Variants in IGF2BP2 observed in about 807,000 individuals in gnomAD.
IGF2BP2 encodes the protein insulin like growth factor 2 mRNA binding protein 2.
IGF2BP2 carries 17 observed loss-of-function variants against 75.8 expected under a neutral mutation model. That is an observed-to-expected ratio of 0.22 (90% CI 0.15 to 0.34). The LOEUF (loss-of-function observed/expected upper bound fraction) is 0.34. Ranked by LOEUF, IGF2BP2 falls within the 10% of genes least tolerant of loss-of-function variation. The pLI is 1.00. For synonymous variants in IGF2BP2, 288 were observed against 295.6 expected (o/e 0.97, Z 0.26); for missense variants, 516 against 772.4 (o/e 0.67, Z 3.93).
At chr3:185,782,790 G>A (rs553245111) in intron 2 of IGF2BP2, among the ~76,000 whole-genome samples, 4 of 152,232 alleles carry the variant, frequency 2.6e-5, no homozygotes, top group African/African-American at 7.2e-5. Flanking sequence ...GAGAAGAGCC[G>A]GCATGAAGTT....
intron 10 of IGF2BP2, among the ~76,000 whole-genome samples, chr3:185,665,248 A>G (rs866382772): frequency 5.0e-4 from 60 of 120,508 alleles, no homozygotes; most frequent in South Asian, 6.1e-4. Flanking sequence ...GAAGGAGAAG[A>G]AGGAGAAGGA....
intron 2 of IGF2BP2, among the ~76,000 whole-genome samples, chr3:185,709,112 C>T (rs558956352): frequency 2.6e-5 from 4 of 152,224 alleles, no homozygotes; most frequent in African/African-American, 9.6e-5. Context: ...AGATAAATAA[C>T]ATGTACAAAC....
intron 2 of IGF2BP2, among the ~76,000 whole-genome samples, chr3:185,760,259 G>A (rs1262290635): frequency 6.6e-6 from 1 of 152,046 alleles, no homozygotes; most frequent in Non-Finnish European, 1.5e-5. Flanking sequence ...CAGTGCCTCG[G>A]TTATGACACG....
At chr3:185,709,195 T>A (rs761514215) in intron 2 of IGF2BP2, among the ~76,000 whole-genome samples, 1 of 152,212 alleles carries the variant, frequency 6.6e-6, no homozygotes, top group Non-Finnish European at 1.5e-5. Flanking sequence ...TACAAAACCA[T>A]CTTTGTAAAG....
At chr3:185,663,956 G>T (rs1001572924) in intron 10 of IGF2BP2, among the ~76,000 whole-genome samples, 1 of 152,174 alleles carries the variant, frequency 6.6e-6, no homozygotes, top group African/African-American at 2.4e-5. Context: ...GTTTTAGTGT[G>T]ATGATAGAGT....
At chr3:185,793,599 C>A (rs1219801554) in intron 2 of IGF2BP2, among the ~76,000 whole-genome samples, 4 of 152,110 alleles carry the variant, frequency 2.6e-5, no homozygotes, top group Non-Finnish European at 4.4e-5. Context: ...CAAAAAGAAA[C>A]AACTTTGATA....
At chr3:185,787,169 G>A (rs931827513) in intron 2 of IGF2BP2, among the ~76,000 whole-genome samples, 1 of 152,178 alleles carries the variant, frequency 6.6e-6, no homozygotes, top group Non-Finnish European at 1.5e-5. Context: ...TGGGTATAGA[G>A]TTTCTGTTTT....
chr3:185,679,432 C>T (rs983977445), intron 7 of IGF2BP2, among the ~76,000 whole-genome samples: 3 of 151,720 alleles, frequency 2.0e-5, no homozygotes, highest in Non-Finnish European at 4.4e-5. Context: ...TGTTTTTATA[C>T]CCATTAACAT....
At chr3:185,730,709 G>A (rs1480280893) in intron 2 of IGF2BP2, among the ~76,000 whole-genome samples, 2 of 152,068 alleles carry the variant, frequency 1.3e-5, no homozygotes, top group Non-Finnish European at 2.9e-5. Flanking sequence ...ACCAGCCCAG[G>A]TGTCTTTTTT....
intron 2 of IGF2BP2, among the ~76,000 whole-genome samples, chr3:185,772,473 A>G (rs1460128408): frequency 1.3e-5 from 2 of 152,062 alleles, no homozygotes; most frequent in Admixed American, 6.5e-5. Context: ...CAAGTTAGCA[A>G]TTCAGTACTA....
intron 2 of IGF2BP2, among the ~76,000 whole-genome samples, chr3:185,796,333 A>T (rs1415630412): frequency 1.3e-5 from 2 of 151,824 alleles, no homozygotes; most frequent in Non-Finnish European, 2.9e-5. Context: ...GAGGACGAGG[A>T]GGGCGGATCA....
chr3:185,713,186 CT>C (rs1279328921), intron 2 of IGF2BP2: 1 of 344,838 alleles, frequency 2.9e-6, no homozygotes, highest in East Asian at 7.4e-5. Flanking sequence ...AACTGTACCA[CT>C]GTCATAAACC....
chr3:185,749,942 T>C (rs1176520710), intron 2 of IGF2BP2, among the ~76,000 whole-genome samples: 1 of 152,066 alleles, frequency 6.6e-6, no homozygotes, highest in East Asian at 1.9e-4. Context: ...TCTGGGCATT[T>C]ATCACCCACG....
intron 10 of IGF2BP2, among the ~76,000 whole-genome samples, chr3:185,668,487 C>CGAGAGAGA (rs1274930634): frequency 8.0e-6 from 1 of 124,820 alleles, no homozygotes; most frequent in East Asian, 2.3e-4. Context: ...TTCATTTGTT[C>CGAGAGAGA]GAGAGAGAGA....
intron 2 of IGF2BP2, among the ~76,000 whole-genome samples, chr3:185,806,615 A>C (rs1739069927): frequency 6.6e-6 from 1 of 152,248 alleles, no homozygotes; most frequent in South Asian, 2.1e-4. Flanking sequence ...ACTATACTTG[A>C]CTGAAGTCAA....
intron 10 of IGF2BP2, 48 bp downstream of exon 10, chr3:185,672,493 T>G (rs1343821866): frequency 6.3e-7 from 1 of 1,586,132 alleles, no homozygotes; most frequent in East Asian, 2.3e-5. Context: ...TGCTGCTGCC[T>G]GGAGGTGCCC....
At chr3:185,667,211 T>C (rs1046943491) in intron 10 of IGF2BP2, among the ~76,000 whole-genome samples, 4 of 151,844 alleles carry the variant, frequency 2.6e-5, no homozygotes, top group Non-Finnish European at 4.4e-5. Context: ...GAATATCCAT[T>C]TCAAAAAAAA....
intron 7 of IGF2BP2, among the ~76,000 whole-genome samples, chr3:185,677,068 T>TATAGAGAGAGAGAGAGAG: frequency 1.1e-4 from 4 of 35,862 alleles, no homozygotes; most frequent in African/African-American, 3.1e-4. Flanking sequence ...TATATATATA[T>TATAGAGAGAGAGAGAGAG]AGAGAGAGAG....
intron 2 of IGF2BP2, among the ~76,000 whole-genome samples, chr3:185,734,473 A>G (rs1222570839): frequency 6.6e-6 from 1 of 152,116 alleles, no homozygotes; most frequent in African/African-American, 2.4e-5. Context: ...GTCTCTGTTC[A>G]TCCATTCTAC....
Sources: allele counts gnomAD v4.1 joint callset (sites outside exome capture counted in the v4.1 genomes callset), GRCh38; gene constraint gnomAD v4.1.1; transcripts MANE v1.5; gene names NCBI Gene and HGNC (gene_info 2026-07-23, HGNC 2026-07-21).